The following DLEU7 variants were observed in gnomAD, a reference collection of about 807,000 sequenced individuals.
The protein encoded by DLEU7 is deleted in lymphocytic leukemia 7, also known as leukemia-associated protein 7.
A neutral mutation model predicts 16.0 loss-of-function variants in DLEU7; 17 were observed. The ratio of observed to expected loss-of-function variants is 1.06; its 90% confidence interval spans 0.73 to 1.59. The LOEUF (loss-of-function observed/expected upper bound fraction) is 1.59. Among genes scored for constraint, DLEU7 ranks in the 40% most tolerant of loss-of-function variants. The pLI is 0.00. For synonymous variants in DLEU7, 113 were observed against 139.8 expected (o/e 0.81, Z 1.35); for missense variants, 308 against 314.9 (o/e 0.98, Z 0.17).
intron 1 of DLEU7, among the ~76,000 whole-genome samples, chr13:50,727,188 TAAG>T (rs551905774): frequency 1.5e-3 from 233 of 151,702 alleles, no homozygotes; most frequent in Non-Finnish European, 2.2e-3. Context: ...AAAAAAAGAA[TAAG>T]AAGTTCTGTA....
chr13:50,809,341 A>G (rs1876492739), intron 1 of DLEU7, among the ~76,000 whole-genome samples: 2 of 152,170 alleles, frequency 1.3e-5, no homozygotes, highest in South Asian at 4.1e-4. Flanking sequence ...AAAGGCAATC[A>G]CATTAGGGAC....
chr13:50,729,826 A>G (rs1252848721), intron 1 of DLEU7, among the ~76,000 whole-genome samples: 1 of 152,112 alleles, frequency 6.6e-6, no homozygotes, highest in Non-Finnish European at 1.5e-5. Flanking sequence ...TTGGCCACGC[A>G]TACATCTTCT....
intron 1 of DLEU7, among the ~76,000 whole-genome samples, chr13:50,722,674 T>C (rs1873655357): frequency 6.6e-6 from 1 of 152,218 alleles, no homozygotes; most frequent in African/African-American, 2.4e-5. Context: ...TTCTCTACCA[T>C]AACATTAATC....
intron 1 of DLEU7, among the ~76,000 whole-genome samples, chr13:50,798,241 T>C (rs1876154022): frequency 6.6e-6 from 1 of 152,202 alleles, no homozygotes; most frequent in Non-Finnish European, 1.5e-5. Flanking sequence ...AAATGAAATG[T>C]ATATTTACAA....
chr13:50,750,686 G>A (rs1277541355), intron 1 of DLEU7, among the ~76,000 whole-genome samples: 2 of 151,898 alleles, frequency 1.3e-5, no homozygotes, highest in Non-Finnish European at 2.9e-5. Context: ...TTGTTTGTTT[G>A]TTTGTTTGTT....
chr13:50,767,769 T>G (rs1875165589), intron 1 of DLEU7, among the ~76,000 whole-genome samples: 1 of 152,280 alleles, frequency 6.6e-6, no homozygotes, highest in African/African-American at 2.4e-5. Context: ...AGGACCAGCA[T>G]ACACACAGAA....
intron 1 of DLEU7, among the ~76,000 whole-genome samples, chr13:50,745,596 T>G (rs1874371516): frequency 1.3e-5 from 2 of 152,216 alleles, no homozygotes; most frequent in South Asian, 4.1e-4. Context: ...CATTTGTGGT[T>G]GTTCTTCCTA....
intron 1 of DLEU7, among the ~76,000 whole-genome samples, chr13:50,733,205 G>A (rs1301638582): frequency 6.6e-6 from 1 of 152,144 alleles, no homozygotes; most frequent in African/African-American, 2.4e-5. Context: ...TCAACCCAGA[G>A]CAAATACATC....
At chr13:50,767,420 C>T (rs1226629855) in intron 1 of DLEU7, among the ~76,000 whole-genome samples, 2 of 142,054 alleles carry the variant, frequency 1.4e-5, no homozygotes, top group African/African-American at 2.6e-5. Flanking sequence ...CGCGCCACTG[C>T]ACTCCAGCCT....
intron 1 of DLEU7, among the ~76,000 whole-genome samples, chr13:50,812,126 GTGTTT>G (rs1222876812): frequency 5.3e-5 from 8 of 151,876 alleles, no homozygotes; most frequent in Non-Finnish European, 1.0e-4. Context: ...TATCAGTGGG[GTGTTT>G]TGTTTTATTT....
chr13:50,740,947 C>G (rs565046622), intron 1 of DLEU7, among the ~76,000 whole-genome samples: 1 of 152,156 alleles, frequency 6.6e-6, no homozygotes, highest in Non-Finnish European at 1.5e-5. Context: ...CTTGGAACAG[C>G]CTTGTTCATC....
intron 1 of DLEU7, among the ~76,000 whole-genome samples, chr13:50,770,673 T>C (rs1380035024): frequency 6.6e-6 from 1 of 152,184 alleles, no homozygotes; most frequent in African/African-American, 2.4e-5. Flanking sequence ...ATTCAGTTTG[T>C]CAGTATTTTA....
chr13:50,755,600 A>G (rs1453003238), intron 1 of DLEU7, among the ~76,000 whole-genome samples: 1 of 151,796 alleles, frequency 6.6e-6, no homozygotes, highest in Non-Finnish European at 1.5e-5. Context: ...CACTTCTTGT[A>G]TCACTTTTCA....
chr13:50,718,814 A>G (rs895825807), intron 1 of DLEU7, among the ~76,000 whole-genome samples: 5 of 152,230 alleles, frequency 3.3e-5, no homozygotes, highest in Non-Finnish European at 7.3e-5. Flanking sequence ...AGTTTTCCAT[A>G]TATGGTTTTG....
rs573625254 is a variant in DLEU7, at chr13:50,823,417, A to G, written c.563T>C (p.Ile188Thr). 7.2e-6 allele frequency: 11 copies of G among 1,535,876 alleles called. No homozygotes were observed. In the East Asian group the frequency reaches 2.0e-4, roughly 27 times the overall value. The change falls in exon 2 of 2, where the codon ATA (isoleucine) becomes ACA (threonine). Residue 188 changes from isoleucine (I) to threonine (T), a missense_variant. Coordinates refer to ENST00000504404, the MANE Select transcript of DLEU7 (RefSeq NM_001306135.2). ...AAGTGACTGAATCAGCTTCTTGACT[A>G]TTGTCTTCAAACACTGGTGGGCAGC... is the stretch of plus-strand genomic sequence containing the variant. ...LNAAHQCLKT[I>T]VKKLIQSLAN...
chr13:50,729,742 G>C (rs1272129246), intron 1 of DLEU7, among the ~76,000 whole-genome samples: 2 of 152,128 alleles, frequency 1.3e-5, no homozygotes, highest in Admixed American at 1.3e-4. Flanking sequence ...ACTGTTGTGA[G>C]GTGGTATCTC....
intron 1 of DLEU7, chr13:50,713,282 A>G (rs1208246537): frequency 1.3e-6 from 2 of 1,587,596 alleles, no homozygotes; most frequent in Non-Finnish European, 1.7e-6. Flanking sequence ...CTTGCTTTGC[A>G]TTTTTTATAT....
intron 1 of DLEU7, among the ~76,000 whole-genome samples, chr13:50,770,771 A>G (rs985642534): frequency 6.6e-6 from 1 of 152,142 alleles, no homozygotes; most frequent in African/African-American, 2.4e-5. Context: ...TGGTATCAGG[A>G]TGATGCTGGC....
exon 2 of DLEU7, chr13:50,713,098 A>T (rs1593523254): frequency 2.5e-6 from 3 of 1,221,522 alleles, no homozygotes; most frequent in African/African-American, 3.0e-5. Flanking sequence ...GGAGGCCAAC[A>T]ACGTGGTAAT....
Sources: allele counts gnomAD v4.1 joint callset (sites outside exome capture counted in the v4.1 genomes callset), GRCh38; gene constraint gnomAD v4.1.1; transcripts MANE v1.5; gene names NCBI Gene and HGNC (gene_info 2026-07-23, HGNC 2026-07-21).